The following ZDHHC3 variants were observed in gnomAD, a reference collection of about 807,000 sequenced individuals.
The protein encoded by ZDHHC3 is palmitoyltransferase ZDHHC3.
A neutral mutation model predicts 30.6 loss-of-function variants in ZDHHC3; 9 were observed. The ratio of observed to expected loss-of-function variants is 0.29; its 90% confidence interval spans 0.18 to 0.51. ZDHHC3 has a LOEUF of 0.51. Ranked by LOEUF, ZDHHC3 falls within the 20% of genes least tolerant of loss-of-function variation. ZDHHC3 has a pLI of 0.97. For synonymous variants in ZDHHC3, 136 were observed against 140.2 expected (o/e 0.97, Z 0.21); for missense variants, 246 against 384.2 (o/e 0.64, Z 3.01).
chr3:44,958,387 C>G (rs1324430494), intron 2 of ZDHHC3, among the ~76,000 whole-genome samples: 1 of 152,180 alleles, frequency 6.6e-6, no homozygotes, highest in Admixed American at 6.5e-5. Flanking sequence ...CTCTCTTAAA[C>G]ACACACGTCC....
rs1559712579 is a variant in ZDHHC3 at position 44,959,542 on chromosome 3, T to C, written c.-24-82A>G. ...TTGACAAAATTGCTCCCATAGTGAG[T>C]TGTGATTACTTATCTGCAACCCCTG... is the stretch of plus-strand genomic sequence containing the variant. On this transcript the variant is annotated intron_variant, in intron 1 of 6. Coordinates refer to ENST00000424952, the MANE Select transcript of ZDHHC3 (RefSeq NM_001135179.2). This position sits in a 1 kb window ranked among gnomAD's most constrained non-coding sequence, Gnocchi z 4.3. The C allele has an allele frequency of 4.9e-6, 6 of 1,227,290 alleles. No homozygotes were observed. Among genetic ancestry groups the C allele is most frequent in the Non-Finnish European group, 6.8e-6 (6 of 876,474 alleles). The allele number at this position is 1,227,290 out of a possible 1,614,324, so 76.0% of individuals were successfully genotyped here.
intron 1 of ZDHHC3, among the ~76,000 whole-genome samples, chr3:44,968,558 T>C (rs1464034797): frequency 6.6e-6 from 1 of 152,098 alleles, no homozygotes; most frequent in East Asian, 1.9e-4. Context: ...TAGCCGAGCA[T>C]GGTAGTGTGT....
intron 3 of ZDHHC3, among the ~76,000 whole-genome samples, chr3:44,936,960 C>A (rs1411479225): frequency 6.6e-6 from 1 of 151,958 alleles, no homozygotes; most frequent in Non-Finnish European, 1.5e-5. Context: ...AATAAACTCT[C>A]TCAATTTTGC....
intron 1 of ZDHHC3, among the ~76,000 whole-genome samples, 155 bp downstream of exon 1, chr3:44,975,770 TCTCACACA>T (rs1705910709): frequency 9.0e-6 from 1 of 111,492 alleles, no homozygotes; most frequent in African/African-American, 3.3e-5. Flanking sequence ...TCTCTCTCTC[TCTCACACA>T]CACACACACA....
At chr3:44,965,966 A>G (rs1704917140) in intron 1 of ZDHHC3, among the ~76,000 whole-genome samples, 1 of 152,266 alleles carries the variant, frequency 6.6e-6, no homozygotes, top group Non-Finnish European at 1.5e-5. Flanking sequence ...ACTCGTGAAC[A>G]GCACACATCT....
Position 44,968,022 on chromosome 3 carries a change from G to A in ZDHHC3, c.-25+7911C>T, listed in dbSNP as rs542050474. 5.9e-5 allele frequency among the ~76,000 whole-genome samples: 9 copies of A among 152,318 alleles called. No individual in the cohort carries two copies. In the South Asian group the frequency reaches 1.9e-3, roughly 32 times the overall value. On this transcript the variant is annotated intron_variant, in intron 1 of 6. Coordinates refer to ENST00000424952, the MANE Select transcript of ZDHHC3 (RefSeq NM_001135179.2). The stretch of plus-strand genomic sequence containing the variant: ...GAGATGGAAAAAGTAAGGCTCAGAG[G>A]GGTTGGGGAATATTCCCAAGGTCGC...
intron 4 of ZDHHC3, 138 bp from the exon 5 acceptor site, chr3:44,933,337 C>T (rs1701665078): frequency 1.4e-6 from 1 of 738,780 alleles, no homozygotes; most frequent in Non-Finnish European, 2.3e-6. Context: ...GACCAGAGGG[C>T]CAGCTAGCGA....
intron 3 of ZDHHC3, among the ~76,000 whole-genome samples, chr3:44,942,205 C>T (rs1702501221): frequency 6.6e-6 from 1 of 152,258 alleles, no homozygotes; most frequent in Non-Finnish European, 1.5e-5. Context: ...GCAAGGTCGA[C>T]ATCAACTTTA....
intron 5 of ZDHHC3, among the ~76,000 whole-genome samples, chr3:44,930,609 C>T (rs758227385): frequency 9.2e-5 from 14 of 152,190 alleles, no homozygotes; most frequent in Non-Finnish European, 1.5e-4. Flanking sequence ...GGCTCCCCCA[C>T]GGGAATGTCA....
chr3:44,918,257 G>A lies in ZDHHC3; in HGVS notation c.*8432C>T, dbSNP rs528838096. 1.5e-5 allele frequency: 18 copies of A among 1,212,870 alleles called. No individual in the cohort carries two copies. Among genetic ancestry groups the A allele is most frequent in the African/African-American group, 9.5e-5 (6 of 63,432 alleles). The allele number at this position is 1,212,870 out of a possible 1,614,324, so 75.1% of individuals were successfully genotyped here. ...GCGGGGGGGGGGGCGGGGTGTCCAC[G>A]GCATGGGTAAGATGGGGTCTGAGTG... is the stretch of plus-strand genomic sequence containing the variant. On this transcript the variant is annotated 3_prime_UTR_variant, in exon 7 of 7. Coordinates refer to ENST00000424952, the MANE Select transcript of ZDHHC3 (RefSeq NM_001135179.2).
At chr3:44,955,992 A>G (rs1029677763) in intron 2 of ZDHHC3, among the ~76,000 whole-genome samples, 1 of 152,234 alleles carries the variant, frequency 6.6e-6, no homozygotes, top group Non-Finnish European at 1.5e-5. Context: ...ACCTCTGGGA[A>G]GCTAACTGTT....
At chr3:44,974,004 C>T (rs531320262) in intron 1 of ZDHHC3, among the ~76,000 whole-genome samples, 13 of 152,198 alleles carry the variant, frequency 8.5e-5, no homozygotes, top group Middle Eastern at 3.4e-3. Flanking sequence ...CTTCAATACA[C>T]TAAAAAAGAA....
At chr3:44,963,295 G>C (rs945425780) in intron 1 of ZDHHC3, among the ~76,000 whole-genome samples, 1 of 152,118 alleles carries the variant, frequency 6.6e-6, no homozygotes, top group Non-Finnish European at 1.5e-5. Context: ...CAAGCCAAAG[G>C]TGTACCTGGC....
chr3:44,958,864 C>A (rs1335415231), intron 2 of ZDHHC3, among the ~76,000 whole-genome samples: 2 of 152,218 alleles, frequency 1.3e-5, no homozygotes, highest in Admixed American at 6.5e-5. Context: ...CCAAACCCCT[C>A]CCAGAGCAGG....
At position 44,921,519 on chromosome 3, in the gene ZDHHC3, T is replaced by C. The variant is rs985879620; in HGVS notation, c.*5170A>G. 6 of 985,310 alleles carry C rather than the reference T, an allele frequency of 6.1e-6. No homozygotes were observed. The highest frequency in any genetic ancestry group is 1.7e-5 in the African/African-American group (1 of 57,240). The allele number at this position is 985,310 out of a possible 1,614,324, so 61.0% of individuals were successfully genotyped here. A position where few individuals can be genotyped will look rare whatever the true frequency, so the allele number is the denominator to read the frequency against. ...TACTTATCCTGCAATATGTAATGCA[T>C]TAAACATTTTTCTTGAAAAACATGC... On this transcript the variant is annotated 3_prime_UTR_variant, in exon 7 of 7. Coordinates refer to ENST00000424952, the MANE Select transcript of ZDHHC3 (RefSeq NM_001135179.2).
At chr3:44,937,990 CT>C (rs1312372231) in intron 3 of ZDHHC3, 4,254 of 350,026 alleles carry the variant, frequency 0.012, no homozygotes, top group South Asian at 0.02. Context: ...GGAAATACCA[CT>C]TTTTTTTTTG....
In ZDHHC3 at chr3:44,917,181, G is replaced by C. The variant is rs1700234024; in HGVS notation, c.*9508C>G. The C allele has an allele frequency of 6.6e-6, 1 of 152,602 alleles. No individual in the cohort carries two copies. Among genetic ancestry groups the C allele is most frequent in the Non-Finnish European group, 1.5e-5 (1 of 68,404 alleles). The allele number at this position is 152,602 out of a possible 1,614,324, so 9.5% of individuals were successfully genotyped here. A position where few individuals can be genotyped will look rare whatever the true frequency, so the allele number is the denominator to read the frequency against. ...AGACTCCAGTGTCTGTGGAATGGGG[G>C]CTCATTTTCGGTGCTACTGTCTTAA... On this transcript the variant is annotated 3_prime_UTR_variant, in exon 7 of 7. Transcript: ENST00000424952.
chr3:44,975,762 T>TCACACACACA (rs1369426552), intron 1 of ZDHHC3, among the ~76,000 whole-genome samples, 171 bp downstream of exon 1: 1 of 145,422 alleles, frequency 6.9e-6, no homozygotes, highest in Non-Finnish European at 1.5e-5. Flanking sequence ...TCTCTCTCTC[T>TCACACACACA]CTCTCTCTCT....
intron 3 of ZDHHC3, among the ~76,000 whole-genome samples, chr3:44,942,527 C>T (rs910237531): frequency 2.4e-4 from 37 of 152,144 alleles, no homozygotes; most frequent in African/African-American, 7.2e-4. Flanking sequence ...AAATGCCAGG[C>T]GGTGGAGGCA....
Sources: gnomAD v4.1 joint callset for allele counts (sites outside exome capture counted in the v4.1 genomes callset) on GRCh38, gnomAD v4.1.1 for gene constraint, Gnocchi (gnomAD v3.1) non-coding constraint, MANE v1.5 for transcripts, NCBI Gene and HGNC (gene_info 2026-07-23, HGNC 2026-07-21) for gene names.